The following ROBO2 variants were observed in gnomAD, a reference collection of about 807,000 sequenced individuals.
The protein encoded by ROBO2 is roundabout homolog 2.
A neutral mutation model predicts 160.8 loss-of-function variants in ROBO2; 53 were observed. That is an observed-to-expected ratio of 0.33 (90% CI 0.26 to 0.41). ROBO2 has a LOEUF of 0.41. Among genes scored for constraint, ROBO2 ranks in the 10% least tolerant of loss-of-function variants. The probability of loss-of-function intolerance (pLI) is 1.00; values close to 1 mark genes in which losing one functional copy is unlikely to be tolerated. For synonymous variants in ROBO2, 664 were observed against 611.7 expected, an observed-to-expected ratio of 1.09 and a Z score of -1.26; for missense variants, 1,577 against 1,722.4, an observed-to-expected ratio of 0.92 and a Z score of 1.49.
At chr3:76,657,754 G>GTA (rs143226211) in intron 2 of ROBO2, among the ~76,000 whole-genome samples, 12 of 143,938 alleles carry the variant, frequency 8.3e-5, no homozygotes, top group East Asian at 4.0e-4. Context: ...TCATATATAT[G>GTA]TATATATATA....
In ROBO2 at chr3:77,023,200, C is replaced by T. The variant is rs981044730; in HGVS notation, c.110-74814C>T. Among the ~76,000 whole-genome samples, 49 of 152,266 alleles carry T rather than the reference C, an allele frequency of 3.2e-4. 1 individual carries two copies. Among genetic ancestry groups the T allele is most frequent in the Admixed American group, 2.2e-3 (34 of 15,286 alleles). On this transcript the variant is annotated intron_variant, in intron 2 of 26. Transcript: ENST00000487694. ...GAAAAGTCTCACGAGATCTGATGGG[C>T]TTATCGGGGGTTACTGCTTTTGTCT...
chr3:77,185,719 A>G (rs919165890), intron 2 of ROBO2, among the ~76,000 whole-genome samples: 2 of 151,970 alleles, frequency 1.3e-5, no homozygotes, highest in African/African-American at 2.4e-5. Context: ...GCACATGTGT[A>G]TAGCAGCACA....
chr3:76,277,731 A>G (rs1708009538), intron 2 of ROBO2, among the ~76,000 whole-genome samples: 1 of 151,938 alleles, frequency 6.6e-6, no homozygotes. Flanking sequence ...ACAAATAATC[A>G]AATAATGAAT....
chr3:77,301,594 C>A (rs989152988), intron 2 of ROBO2, among the ~76,000 whole-genome samples: 2 of 152,146 alleles, frequency 1.3e-5, no homozygotes, highest in African/African-American at 4.8e-5. Context: ...TATCTAAATT[C>A]GCACATGAGC....
chr3:77,269,216 G>A (rs919491418), intron 2 of ROBO2, among the ~76,000 whole-genome samples: 5 of 152,070 alleles, frequency 3.3e-5, no homozygotes, highest in African/African-American at 1.2e-4. Flanking sequence ...CATATGCTGT[G>A]TCAAAATGTT....
At chr3:76,992,355 A>C (rs2060720586) in intron 2 of ROBO2, among the ~76,000 whole-genome samples, 1 of 69,372 alleles carries the variant, frequency 1.4e-5, no homozygotes. Context: ...ATATATATAT[A>C]TATATATATA....
intron 2 of ROBO2, among the ~76,000 whole-genome samples, chr3:76,237,640 A>G (rs1352857589): frequency 2.0e-5 from 3 of 152,226 alleles, no homozygotes; most frequent in African/African-American, 4.8e-5. Flanking sequence ...TCATGCCAGC[A>G]TGGTGCCAGG....
intron 2 of ROBO2, among the ~76,000 whole-genome samples, chr3:76,157,353 G>GGAA: frequency 6.6e-6 from 1 of 151,984 alleles, no homozygotes; most frequent in Admixed American, 6.6e-5. Flanking sequence ...ACTTTGGCCG[G>GGAA]GAAGCAGACT....
intron 2 of ROBO2, among the ~76,000 whole-genome samples, chr3:76,658,066 G>GAATAAATAAATA (rs199659732): frequency 1.5e-5 from 2 of 131,696 alleles, no homozygotes; most frequent in African/African-American, 5.7e-5. Context: ...GATCCTGTCT[G>GAATAAATAAATA]AATAAATAAA....
At chr3:76,280,324 G>C (rs1708164847) in intron 2 of ROBO2, among the ~76,000 whole-genome samples, 1 of 151,892 alleles carries the variant, frequency 6.6e-6, no homozygotes, top group Non-Finnish European at 1.5e-5. Flanking sequence ...AGGGTCTTCA[G>C]GAAGTAATTA....
chr3:76,309,273 A>G (rs1349539532), intron 2 of ROBO2, among the ~76,000 whole-genome samples: 5 of 152,218 alleles, frequency 3.3e-5, no homozygotes, highest in Non-Finnish European at 2.9e-5. Flanking sequence ...ATTCTGAGTT[A>G]AATATAGCTC....
exon 1 of ROBO2, chr3:77,040,183 C>T (rs543316895): frequency 1.0e-6 from 1 of 985,900 alleles, no homozygotes; most frequent in East Asian, 1.1e-4. Context: ...GGGAGGGCAA[C>T]ACCGCTGCAA....
intron 2 of ROBO2, chr3:77,316,862 T>G: frequency 1.7e-6 from 2 of 1,191,964 alleles, no homozygotes; most frequent in Non-Finnish European, 2.5e-6. Flanking sequence ...AGGGTCTGAG[T>G]GTATCCTAAA....
rs539607877 is a variant in ROBO2, at chr3:76,668,256, C to T, written c.110-429758C>T. Among the ~76,000 whole-genome samples the T allele has an allele frequency of 1.8e-3, 253 of 141,004 alleles. 1 individual carries two copies. The highest frequency in any genetic ancestry group is 3.0e-3 in the Non-Finnish European group (196 of 65,598). The allele number at this position is 141,004 out of a possible 152,430, so 92.5% of individuals were successfully genotyped here. ...CTGGGACTATAGGAATGTGCTACCA[C>T]GCCCAGCTATTAAAAAAAAATTGTA... On this transcript the variant is annotated intron_variant, in intron 2 of 26. Transcript: ENST00000487694.
chr3:77,567,771 CA>C (rs2093527051), intron 12 of ROBO2, among the ~76,000 whole-genome samples: 1 of 152,040 alleles, frequency 6.6e-6, no homozygotes, highest in African/African-American at 2.4e-5. Flanking sequence ...CCTTTAATGA[CA>C]GAATTCACTT....
intron 1 of ROBO2, among the ~76,000 whole-genome samples, chr3:77,054,928 A>ATGTG (rs574557375): frequency 0.014 from 1,586 of 113,164 alleles, 16 homozygotes; most frequent in African/African-American, 0.018. Flanking sequence ...TCTCGCGTGT[A>ATGTG]TGTGTGTGTG....
At chr3:77,596,599 A>G (rs761339250) in intron 18 of ROBO2, 24 bp from the exon 20 acceptor site, 2 of 1,613,452 alleles carry the variant, frequency 1.2e-6, no homozygotes, top group Non-Finnish European at 8.5e-7. Context: ...CCATGTGTTG[A>G]TTTCCTTGTA....
At chr3:76,732,995 G>A (rs1363012975) in intron 2 of ROBO2, among the ~76,000 whole-genome samples, 1 of 98,852 alleles carries the variant, frequency 1.0e-5, no homozygotes, top group Admixed American at 9.9e-5. Flanking sequence ...GACTGGGGGT[G>A]GGGGGGGGAG....
chr3:76,951,169 C>G (rs1205534284), intron 2 of ROBO2, among the ~76,000 whole-genome samples: 1 of 152,192 alleles, frequency 6.6e-6, no homozygotes, highest in African/African-American at 2.4e-5. Flanking sequence ...TTTTAAACCA[C>G]CATTAACACT....
Sources: gnomAD v4.1 joint callset for allele counts (sites outside exome capture counted in the v4.1 genomes callset) on GRCh38, gnomAD v4.1.1 for gene constraint, MANE v1.5 for transcripts, NCBI Gene and HGNC (gene_info 2026-07-23, HGNC 2026-07-21) for gene names.